The following BMPR1A variants were observed in gnomAD, a reference collection of about 807,000 sequenced individuals.
BMPR1A encodes bone morphogenetic protein receptor type 1A.
A neutral mutation model predicts 66.0 loss-of-function variants in BMPR1A; 7 were observed. That is an observed-to-expected ratio of 0.11 (90% CI 0.06 to 0.20). The LOEUF (loss-of-function observed/expected upper bound fraction) is 0.20. Ranked by LOEUF, BMPR1A falls within the 10% of genes least tolerant of loss-of-function variation. BMPR1A has a pLI of 1.00. For missense variants in BMPR1A, 408 were observed against 669.1 expected (o/e 0.61, Z 4.31); for synonymous variants, 200 against 229.7 (o/e 0.87, Z 1.17).
chr10:86,783,544 A>G (rs2132723487), intron 1 of BMPR1A, among the ~76,000 whole-genome samples: 1 of 152,306 alleles, frequency 6.6e-6, no homozygotes, highest in Admixed American at 6.5e-5. Context: ...TTAGTGTACA[A>G]GTCTTTTGCC....
At chr10:86,795,750 T>G (rs541727562) in intron 1 of BMPR1A, among the ~76,000 whole-genome samples, 11 of 152,288 alleles carry the variant, frequency 7.2e-5, no homozygotes, top group Admixed American at 5.9e-4. Flanking sequence ...TTTAAGGCTT[T>G]CTTTACTTTT....
chr10:86,912,673 C>T (rs1190559301), intron 8 of BMPR1A, among the ~76,000 whole-genome samples: 2 of 152,148 alleles, frequency 1.3e-5, no homozygotes, highest in Non-Finnish European at 2.9e-5. Flanking sequence ...ATATGAAAGG[C>T]AAGAGTTAGC....
Position 86,908,224 on chromosome 10 carries a change from A to G in BMPR1A, c.531-4016A>G, listed in dbSNP as rs559437995. Among the ~76,000 whole-genome samples, 6 of 152,254 alleles carry G rather than the reference A, an allele frequency of 3.9e-5. No homozygotes were observed. In the East Asian group the frequency reaches 1.2e-3, roughly 29 times the overall value. On this transcript the variant is annotated intron_variant, in intron 7 of 12. Transcript: ENST00000372037. ...GCCTCTTCTTCCCCACCCAAAGAAA[A>G]ACAAAAGATAAATATTTGAGGTGAT...
At chr10:86,820,166 C>G (rs1397916538) in intron 1 of BMPR1A, among the ~76,000 whole-genome samples, 1 of 152,152 alleles carries the variant, frequency 6.6e-6, no homozygotes, top group Non-Finnish European at 1.5e-5. Context: ...CCTCAGCCTC[C>G]TGAATAGCTG....
chr10:86,843,894 C>G (rs920479110), intron 2 of BMPR1A, among the ~76,000 whole-genome samples: 11 of 152,054 alleles, frequency 7.2e-5, no homozygotes, highest in Non-Finnish European at 1.5e-4. Context: ...TAGGCATAAG[C>G]TGATCAGAAT....
At chr10:86,820,023 C>G (rs1168466161) in intron 1 of BMPR1A, among the ~76,000 whole-genome samples, 1 of 152,066 alleles carries the variant, frequency 6.6e-6, no homozygotes, top group Non-Finnish European at 1.5e-5. Context: ...TACCTAATAC[C>G]ACATTTTTAG....
At chr10:86,759,540 C>G (rs898819609) in intron 1 of BMPR1A, among the ~76,000 whole-genome samples, 1 of 152,154 alleles carries the variant, frequency 6.6e-6, no homozygotes, top group Non-Finnish European at 1.5e-5. Flanking sequence ...ATACCAAACC[C>G]AAACCTTTTC....
intron 7 of BMPR1A, among the ~76,000 whole-genome samples, chr10:86,900,551 T>C (rs1030354983): frequency 6.6e-6 from 1 of 151,880 alleles, no homozygotes; most frequent in Non-Finnish European, 1.5e-5. Flanking sequence ...CTAATGGATA[T>C]AAACTTTAAT....
chr10:86,787,948 C>T (rs996337205), intron 1 of BMPR1A, among the ~76,000 whole-genome samples: 1 of 151,312 alleles, frequency 6.6e-6, no homozygotes, highest in African/African-American at 2.4e-5. Context: ...CACAGTTCAA[C>T]ATGAGATTTG....
At chr10:86,883,687 T>C (rs987881037) in intron 3 of BMPR1A, among the ~76,000 whole-genome samples, 2 of 151,466 alleles carry the variant, frequency 1.3e-5, no homozygotes, top group African/African-American at 4.9e-5. Flanking sequence ...GGATAACTGC[T>C]TCAACCCAGG....
intron 1 of BMPR1A, among the ~76,000 whole-genome samples, chr10:86,828,133 CAG>C (rs1255228511): frequency 2.0e-5 from 3 of 152,124 alleles, no homozygotes; most frequent in Non-Finnish European, 4.4e-5. Flanking sequence ...CCCTGGGTGA[CAG>C]AGTGAGACTC....
intron 10 of BMPR1A, among the ~76,000 whole-genome samples, chr10:86,921,173 G>A (rs938901820): frequency 1.3e-5 from 2 of 152,030 alleles, no homozygotes; most frequent in Admixed American, 6.6e-5. Flanking sequence ...CTTATATTCA[G>A]TGTTGTCCTC....
intron 9 of BMPR1A, 132 bp downstream of exon 9, chr10:86,917,458 A>T: frequency 1.8e-6 from 2 of 1,095,652 alleles, no homozygotes; most frequent in Non-Finnish European, 1.4e-6. Flanking sequence ...CTAGTAGAAT[A>T]CACGGTTTGA....
intron 8 of BMPR1A, among the ~76,000 whole-genome samples, chr10:86,914,092 C>A (rs1843528234): frequency 6.7e-6 from 1 of 150,180 alleles, no homozygotes; most frequent in Non-Finnish European, 1.5e-5. Context: ...TAGAAAGGAA[C>A]ATGCACTTAA....
chr10:86,880,486 A>G (rs1023173830), intron 3 of BMPR1A, among the ~76,000 whole-genome samples: 2 of 152,230 alleles, frequency 1.3e-5, no homozygotes, highest in African/African-American at 2.4e-5. Context: ...TTTAATAGAT[A>G]TGGGACTGTG....
At chr10:86,832,171 G>A (rs1842276462) in intron 1 of BMPR1A, among the ~76,000 whole-genome samples, 1 of 152,094 alleles carries the variant, frequency 6.6e-6, no homozygotes, top group Non-Finnish European at 1.5e-5. Flanking sequence ...TACATAATTA[G>A]AAATCATTGA....
At chr10:86,810,913 G>A (rs1276464240) in intron 1 of BMPR1A, among the ~76,000 whole-genome samples, 1 of 152,108 alleles carries the variant, frequency 6.6e-6, no homozygotes, top group South Asian at 2.1e-4. Context: ...GTGTGTGTGT[G>A]TGTGTGTATT....
At chr10:86,874,269 C>A (rs1333227036) in intron 2 of BMPR1A, among the ~76,000 whole-genome samples, 1 of 152,152 alleles carries the variant, frequency 6.6e-6, no homozygotes, top group Non-Finnish European at 1.5e-5. Context: ...TAATAATCAC[C>A]AAACCTTAAT....
chr10:86,870,694 G>A (rs1842844052), intron 2 of BMPR1A, among the ~76,000 whole-genome samples: 3 of 152,184 alleles, frequency 2.0e-5, no homozygotes, highest in Non-Finnish European at 4.4e-5. Context: ...AAAGTGCTGA[G>A]ATTACAGGTG....
Sources: allele counts gnomAD v4.1 joint callset (sites outside exome capture counted in the v4.1 genomes callset), GRCh38; gene constraint gnomAD v4.1.1; transcripts MANE v1.5; gene names NCBI Gene and HGNC (gene_info 2026-07-23, HGNC 2026-07-21).